The following KDM4B variants were observed in gnomAD, a reference collection of about 807,000 sequenced individuals.
The protein encoded by KDM4B is lysine demethylase 4B, also known as lysine-specific demethylase 4B.
KDM4B carries 32 observed loss-of-function variants against 125.2 expected under a neutral mutation model. That is an observed-to-expected ratio of 0.26 (90% CI 0.19 to 0.34). The LOEUF (loss-of-function observed/expected upper bound fraction) is 0.34, where lower values mean the gene tolerates loss of function less well. Among genes scored for constraint, KDM4B ranks in the 10% least tolerant of loss-of-function variants. KDM4B has a pLI of 1.00. For synonymous variants in KDM4B, 721 were observed against 677.9 expected (o/e 1.06, Z -0.99); for missense variants, 1,190 against 1,577.7 (o/e 0.75, Z 4.16).
At chr19:4,981,360 C>T (rs1378940535) in intron 1 of KDM4B, among the ~76,000 whole-genome samples, 1 of 152,162 alleles carries the variant, frequency 6.6e-6, no homozygotes, top group East Asian at 1.9e-4. Flanking sequence ...GCTGTGCCGG[C>T]CTCCCTGAGG....
At chr19:5,028,075 C>G (rs1433008729) in intron 2 of KDM4B, among the ~76,000 whole-genome samples, 2 of 152,196 alleles carry the variant, frequency 1.3e-5, no homozygotes, top group Non-Finnish European at 2.9e-5. Flanking sequence ...ATCCTGGCCT[C>G]AAGTGATACT....
chr19:5,126,386 G>C (rs780309499), intron 11 of KDM4B, among the ~76,000 whole-genome samples: 2 of 152,168 alleles, frequency 1.3e-5, no homozygotes, highest in Non-Finnish European at 2.9e-5. Context: ...AGGCGGCCTC[G>C]TCCACCTCTC....
At chr19:5,052,005 T>A (rs2037241892) in intron 6 of KDM4B, among the ~76,000 whole-genome samples, 1 of 152,074 alleles carries the variant, frequency 6.6e-6, no homozygotes, top group African/African-American at 2.4e-5. Context: ...CCCCAGTTGC[T>A]CTTGGCCATC....
chr19:5,032,923 C>T lies in KDM4B; in HGVS notation c.33C>T (p.Pro11=), dbSNP rs368489068. MGSEDHGAQN[P]SCKIMTFRPT... is the part of the protein sequence containing the mutation. ...CTGAGGACCACGGCGCCCAGAACCC[C>T]AGCTGTAAAATCATGACGTTTCGCC... The change falls in exon 3 of 23, where the codon CCC becomes CCT. Residue 11 remains proline, a synonymous_variant. Transcript: ENST00000159111. The T allele has an allele frequency of 6.2e-7, 1 of 1,614,070 alleles. No individual in the cohort carries two copies. The highest frequency in any genetic ancestry group is 8.5e-7 in the Non-Finnish European group (1 of 1,180,040).
intron 10 of KDM4B, chr19:5,112,087 T>C: frequency 2.3e-6 from 1 of 436,330 alleles, no homozygotes; most frequent in Non-Finnish European, 4.2e-6. Context: ...ATGCCATCTC[T>C]ACAAAAAATT....
Position 5,114,044 on chromosome 19 carries a change from C to T in KDM4B, c.1115+3226C>T. The T allele has an allele frequency of 7.8e-7, 1 of 1,287,242 alleles. No homozygotes were observed. The allele number at this position is 1,287,242 out of a possible 1,614,324, so 79.7% of individuals were successfully genotyped here. A position where few individuals can be genotyped will look rare whatever the true frequency, so the allele number is the denominator to read the frequency against. The stretch of plus-strand genomic sequence containing the variant: ...ATTCTTCCCCCTGATGGATGGGTCG[C>T]CTAAAACTGCAGCCTGGCTCCTGGC... On this transcript the variant is annotated intron_variant, in intron 10 of 22. Transcript: ENST00000159111. This position sits in a 1 kb window ranked among gnomAD's most constrained non-coding sequence, Gnocchi z 5.8.
At chr19:5,068,291 C>A (rs1046572200) in intron 6 of KDM4B, among the ~76,000 whole-genome samples, 1 of 152,108 alleles carries the variant, frequency 6.6e-6, no homozygotes, top group Non-Finnish European at 1.5e-5. Flanking sequence ...GGGTCTCTGC[C>A]GTGCATCTGC....
At chr19:5,089,702 A>T (rs1599596393) in intron 9 of KDM4B, among the ~76,000 whole-genome samples, 1 of 84,716 alleles carries the variant, frequency 1.2e-5, no homozygotes, top group Non-Finnish European at 3.1e-5. Context: ...TTTTGTACTA[A>T]AAAAAAAAAA....
intron 9 of KDM4B, among the ~76,000 whole-genome samples, chr19:5,102,546 C>T (rs1309712831): frequency 6.6e-6 from 1 of 152,134 alleles, no homozygotes; most frequent in African/African-American, 2.4e-5. Context: ...CCTCCACAGG[C>T]CAGGGGAGCA....
intron 9 of KDM4B, among the ~76,000 whole-genome samples, chr19:5,084,914 C>T (rs2038441765): frequency 6.6e-6 from 1 of 151,176 alleles, no homozygotes; most frequent in African/African-American, 2.4e-5. Flanking sequence ...ATATGTTGGC[C>T]AGGCTGGTCT....
At position 5,041,266 on chromosome 19, in the gene KDM4B, C is replaced by T. The variant is rs2036806304; in HGVS notation, c.432+15C>T. ...TGTATGATGACGTAAGTATGAGGCT[C>T]CGGGGAAGAACAGGGACCAGCTTCC... On this transcript the variant is annotated intron_variant, in intron 5 of 22. Coordinates refer to ENST00000159111, the MANE Select transcript of KDM4B (RefSeq NM_015015.3). The T allele has an allele frequency of 3.8e-6, 6 of 1,595,074 alleles. No homozygotes were observed. The highest frequency in any genetic ancestry group is 5.2e-6 in the Non-Finnish European group (6 of 1,163,818).
Position 5,141,870 on chromosome 19 carries a change from G to T in KDM4B, c.2551-2097G>T, listed in dbSNP as rs1391722224. On this transcript the variant is annotated intron_variant, in intron 18 of 22. Transcript: ENST00000159111. This position sits in a 1 kb window ranked among gnomAD's most constrained non-coding sequence, Gnocchi z 6.4. ...TGGGAGGGGCTTGGGATGGGGGGAG[G>T]CGCCTCCAGGGCAGCAGGAGGGGTG... 2.6e-5 allele frequency among the ~76,000 whole-genome samples: 4 copies of T among 152,164 alleles called. No individual in the cohort carries two copies. The highest frequency in any genetic ancestry group is 5.9e-5 in the Non-Finnish European group (4 of 68,026).
chr19:4,970,556 C>T (rs150794025), intron 1 of KDM4B, among the ~76,000 whole-genome samples: 3 of 152,274 alleles, frequency 2.0e-5, no homozygotes, highest in South Asian at 2.1e-4. Flanking sequence ...AGAATGTCCC[C>T]GGGCTGGAGA....
At chr19:5,097,519 C>G (rs1269294954) in intron 9 of KDM4B, among the ~76,000 whole-genome samples, 1 of 152,240 alleles carries the variant, frequency 6.6e-6, no homozygotes, top group Non-Finnish European at 1.5e-5. Context: ...TCCCAAAGCA[C>G]TGAGATGACA....
Position 5,039,961 on chromosome 19 carries a change from G to A in KDM4B, c.267G>A (p.Gln89=). Reference sequence around the variant, plus strand: ...GCCTCTTCACGCAGTACAATATCCAGAAGAAGGCCATGACAGTGGGCGAGT... The same window carrying A: ...GCCTCTTCACGCAGTACAATATCCAAAAGAAGGCCATGACAGTGGGCGAGT... ...QSGLFTQYNI[Q]KKAMTVGEYR... is the part of the protein sequence containing the mutation. Residue 89 remains glutamine (Q), a synonymous_variant, in exon 4 of 23, where the codon CAG becomes CAA. Coordinates refer to ENST00000159111, the MANE Select transcript of KDM4B (RefSeq NM_015015.3). 4.3e-6 allele frequency: 7 copies of A among 1,612,796 alleles called. No homozygotes were observed. The highest frequency in any genetic ancestry group is 5.9e-6 in the Non-Finnish European group (7 of 1,179,806).
At chr19:4,976,376 A>T (rs2034446178) in intron 1 of KDM4B, among the ~76,000 whole-genome samples, 2 of 151,716 alleles carry the variant, frequency 1.3e-5, no homozygotes, top group Non-Finnish European at 2.9e-5. Context: ...ACAGCTACAA[A>T]CAGTGTAGGT....
intron 2 of KDM4B, among the ~76,000 whole-genome samples, chr19:5,030,387 C>G (rs1036919862): frequency 3.9e-5 from 6 of 152,216 alleles, no homozygotes; most frequent in African/African-American, 1.4e-4. Context: ...GTGGCAGGCC[C>G]CATACTGCAT....
chr19:5,112,503 G>C (rs2039168876), intron 10 of KDM4B: 1 of 152,272 alleles, frequency 6.6e-6, no homozygotes, highest in African/African-American at 2.4e-5. Context: ...CACCAAGGTT[G>C]GGGGCGGCTC....
At chr19:5,060,587 G>T (rs1449678193) in intron 6 of KDM4B, among the ~76,000 whole-genome samples, 1 of 152,122 alleles carries the variant, frequency 6.6e-6, no homozygotes. Context: ...AAACGGCAAG[G>T]GGTCCCCACT....
Sources: gnomAD v4.1 joint callset for allele counts (sites outside exome capture counted in the v4.1 genomes callset) on GRCh38, gnomAD v4.1.1 for gene constraint, Gnocchi (gnomAD v3.1) non-coding constraint, MANE v1.5 for transcripts, NCBI Gene and HGNC (gene_info 2026-07-23, HGNC 2026-07-21) for gene names.